LURAP1L: variants seen among roughly 807,000 people sequenced by gnomAD.
The protein encoded by LURAP1L is leucine rich adaptor protein 1 like, also known as leucine rich adaptor protein 1-like.
A neutral mutation model predicts 13.8 loss-of-function variants in LURAP1L; 12 were observed. That is an observed-to-expected ratio of 0.87 (90% CI 0.56 to 1.41). The LOEUF is 1.41. Ranked by LOEUF, LURAP1L falls within the 40% of genes most tolerant of loss-of-function variation. LURAP1L has a pLI of 0.00. For missense variants in LURAP1L, 375 were observed against 292.9 expected (o/e 1.28, Z -2.04); for synonymous variants, 139 against 119.2 (o/e 1.17, Z -1.08).
intron 1 of LURAP1L, among the ~76,000 whole-genome samples, chr9:12,804,643 C>T (rs1819631733): frequency 6.6e-6 from 1 of 151,886 alleles, no homozygotes; most frequent in Admixed American, 6.6e-5. Flanking sequence ...ATGCCTGGTC[C>T]TCTGTTATTT....
At chr9:12,820,334 C>G (rs1315872646) in intron 1 of LURAP1L, among the ~76,000 whole-genome samples, 2 of 152,038 alleles carry the variant, frequency 1.3e-5, no homozygotes, top group East Asian at 1.9e-4. Context: ...GAAACTCCGT[C>G]TCTACTAAAA....
At chr9:12,784,315 G>C (rs1308539501) in intron 1 of LURAP1L, among the ~76,000 whole-genome samples, 6 of 152,046 alleles carry the variant, frequency 3.9e-5, no homozygotes. Flanking sequence ...TCATAGTCTG[G>C]GCTTGCTTGT....
At chr9:12,791,664 C>G (rs1484918168) in intron 1 of LURAP1L, among the ~76,000 whole-genome samples, 2 of 150,414 alleles carry the variant, frequency 1.3e-5, no homozygotes, top group African/African-American at 2.5e-5. Context: ...CTCCTTCTCT[C>G]TCTCTCCTGC....
At chr9:12,783,327 A>G (rs1237271627) in intron 1 of LURAP1L, among the ~76,000 whole-genome samples, 1 of 152,110 alleles carries the variant, frequency 6.6e-6, no homozygotes, top group Non-Finnish European at 1.5e-5. Flanking sequence ...TTTCAGTATG[A>G]TACCAGCTGT....
chr9:12,805,449 A>T (rs2118523466), intron 1 of LURAP1L, among the ~76,000 whole-genome samples: 1 of 152,326 alleles, frequency 6.6e-6, no homozygotes, highest in African/African-American at 2.4e-5. Flanking sequence ...TCTCAGTTAA[A>T]TACACAACCA....
chr9:12,798,277 A>G (rs1160590409), intron 1 of LURAP1L, among the ~76,000 whole-genome samples: 1 of 152,174 alleles, frequency 6.6e-6, no homozygotes, highest in Non-Finnish European at 1.5e-5. Context: ...AATTCTGGCC[A>G]CCAGCAAACA....
intron 1 of LURAP1L, among the ~76,000 whole-genome samples, chr9:12,817,568 A>G (rs1357671041): frequency 6.6e-6 from 1 of 152,238 alleles, no homozygotes; most frequent in Non-Finnish European, 1.5e-5. Flanking sequence ...ATCAGGAATC[A>G]GTTTCTCCTA....
intron 1 of LURAP1L, among the ~76,000 whole-genome samples, chr9:12,776,607 C>G (rs900568384): frequency 1.3e-5 from 2 of 152,102 alleles, no homozygotes; most frequent in African/African-American, 4.8e-5. Flanking sequence ...AGATTCTCCA[C>G]AGCTGGTTCT....
intron 1 of LURAP1L, among the ~76,000 whole-genome samples, chr9:12,793,085 G>A (rs1819465602): frequency 6.6e-6 from 1 of 151,998 alleles, no homozygotes; most frequent in African/African-American, 2.4e-5. Flanking sequence ...GATTAACCCA[G>A]ATTGCATGTC....
In LURAP1L at chr9:12,813,217, C is replaced by A. The variant is rs1344065662; in HGVS notation, c.313-8169C>A. Among the ~76,000 whole-genome samples the A allele has an allele frequency of 3.9e-5, 6 of 152,110 alleles. No homozygotes were observed. In the East Asian group the frequency reaches 1.2e-3, roughly 29 times the overall value. On this transcript the variant is annotated intron_variant, in intron 1 of 1. Transcript: ENST00000319264. ...TTCAGGAGTTTTGTGAACTAGTTGC[C>A]AATCACAGACATTATTAAAATTTAA...
intron 1 of LURAP1L, among the ~76,000 whole-genome samples, chr9:12,782,932 A>G (rs1474901959): frequency 6.6e-6 from 1 of 151,970 alleles, no homozygotes; most frequent in African/African-American, 2.4e-5. Context: ...GAGATCTTTT[A>G]CTTCTTTAGT....
intron 1 of LURAP1L, among the ~76,000 whole-genome samples, chr9:12,793,497 C>A (rs1819472015): frequency 6.6e-6 from 1 of 151,962 alleles, no homozygotes; most frequent in Non-Finnish European, 1.5e-5. Context: ...AGCCGTGTTT[C>A]TTTTATTGCC....
intron 1 of LURAP1L, among the ~76,000 whole-genome samples, chr9:12,795,792 T>C (rs1586880186): frequency 6.6e-6 from 1 of 152,172 alleles, no homozygotes; most frequent in East Asian, 1.9e-4. Context: ...CCAAACGGTC[T>C]CCATGTGTTT....
At chr9:12,809,087 C>T (rs551081193) in intron 1 of LURAP1L, among the ~76,000 whole-genome samples, 63 of 152,214 alleles carry the variant, frequency 4.1e-4, no homozygotes, top group African/African-American at 1.5e-3. Flanking sequence ...TTCTTTTAAA[C>T]AACCAGGACT....
chr9:12,812,129 G>C (rs1485611985), intron 1 of LURAP1L, among the ~76,000 whole-genome samples: 2 of 152,188 alleles, frequency 1.3e-5, no homozygotes, highest in Non-Finnish European at 2.9e-5. Flanking sequence ...TCTCAGAAAT[G>C]ACACCTCATC....
chr9:12,783,898 A>G (rs1410584372), intron 1 of LURAP1L, among the ~76,000 whole-genome samples: 1 of 148,082 alleles, frequency 6.8e-6, no homozygotes, highest in Non-Finnish European at 1.5e-5. Context: ...CCCTCACTGT[A>G]TATTTTCAAT....
Position 12,775,084 on chromosome 9 carries a change from A to G in LURAP1L, c.-632A>G, listed in dbSNP as rs1819146702. On this transcript the variant is annotated 5_prime_UTR_variant, in exon 1 of 2. An upstream open reading frame in the 5' UTR loses its in-frame stop. Transcript: ENST00000319264. ...TTTTTGCTGCATCAAGGAAGCCGTT[A>G]AACTCCTGCTAAGCTAACTAGCTCT... 6.6e-6 allele frequency: 1 copy of G among 152,210 alleles called. No individual in the cohort carries two copies. Among genetic ancestry groups the G allele is most frequent in the African/African-American group, 2.4e-5 (1 of 41,432 alleles). 9.4% of individuals were successfully genotyped at this position (152,210 alleles called of 1,614,324 possible).
intron 1 of LURAP1L, among the ~76,000 whole-genome samples, chr9:12,781,291 G>A (rs1413126913): frequency 6.6e-6 from 1 of 152,088 alleles, no homozygotes; most frequent in African/African-American, 2.4e-5. Context: ...ATTTTTAAAT[G>A]TACAATAAAT....
chr9:12,786,528 C>A (rs1819352723), intron 1 of LURAP1L, among the ~76,000 whole-genome samples: 1 of 60,792 alleles, frequency 1.6e-5, no homozygotes, highest in African/African-American at 7.3e-5. Context: ...GATTAAATGG[C>A]TAACATGTAT....
Sources: allele counts gnomAD v4.1 joint callset (sites outside exome capture counted in the v4.1 genomes callset), GRCh38; gene constraint gnomAD v4.1.1; transcripts MANE v1.5; gene names NCBI Gene and HGNC (gene_info 2026-07-23, HGNC 2026-07-21).